DNAH10: variants seen among roughly 807,000 people sequenced by gnomAD.
DNAH10 encodes the protein axonemal beta dynein heavy chain 10.
A neutral mutation model predicts 506.6 loss-of-function variants in DNAH10; 348 were observed. The observed-to-expected ratio is 0.69, with a 90% confidence interval of 0.63 to 0.75. The LOEUF is 0.75. DNAH10 is among the 30% of genes least tolerant of loss of function. The pLI, the probability that DNAH10 is intolerant of heterozygous loss-of-function variation, is 0.00. For synonymous variants in DNAH10, 2,059 were observed against 2,198.6 expected (o/e 0.94, Z 1.78); for missense variants, 5,179 against 5,787.1 (o/e 0.89, Z 3.41).
chr12:123,934,597 C>T lies in DNAH10; in HGVS notation c.13478-24C>T, dbSNP rs779240954. 3.1e-6 allele frequency: 5 copies of T among 1,612,032 alleles called. No individual in the cohort carries two copies. The South Asian group carries it at 4.4e-5, about 14-fold the overall frequency. ...CAGGCTGTGCATGCTCCAGTTGTATCCAGTCTCTGCCTTGTGTCCCTAGGA... is the reference window on the plus strand; with the variant it reads ...CAGGCTGTGCATGCTCCAGTTGTATTCAGTCTCTGCCTTGTGTCCCTAGGA... On this transcript the variant is annotated intron_variant, in intron 77 of 78. Transcript: ENST00000673944.
intron 51 of DNAH10, among the ~76,000 whole-genome samples, chr12:123,882,545 C>T (rs1373368875): frequency 6.6e-6 from 1 of 152,128 alleles, no homozygotes; most frequent in African/African-American, 2.4e-5. Context: ...GTAATCCCAG[C>T]ACTTTGGGAG....
At position 123,875,388 on chromosome 12, in the gene DNAH10, T is replaced by G. The variant is rs918171150; in HGVS notation, c.8096T>G (p.Val2699Gly). ...MGKAGGGRNE[V>G]DPRFISLFSV... ...AAGGCTGGAGGAGGCCGCAATGAAG[T>G]TGACCCAAGATTTATTTCGCTATTC... The change falls in exon 47 of 79, where the codon GTT (valine) becomes GGT (glycine). Residue 2699 changes from valine to glycine, a missense_variant. Val to Gly is a moderately radical substitution (Grantham distance 109, BLOSUM62 -3). Transcript: ENST00000673944. 5.0e-6 allele frequency: 8 copies of G among 1,613,930 alleles called. No homozygotes were observed. The Admixed American group carries it at 6.7e-5, about 13-fold the overall frequency.
At chr12:123,901,454 G>A (rs1245470252) in intron 56 of DNAH10, among the ~76,000 whole-genome samples, 11 of 152,178 alleles carry the variant, frequency 7.2e-5, no homozygotes, top group Non-Finnish European at 1.3e-4. Context: ...GTCAAGGCCC[G>A]TGCACGGCTT....
rs189852796 is a variant in DNAH10 at position 123,919,417 on chromosome 12, G to T, written c.11506+468G>T. On this transcript the variant is annotated intron_variant, in intron 65 of 78. Coordinates refer to ENST00000673944, the MANE Select transcript of DNAH10 (RefSeq NM_001372106.1). This position sits in a 1 kb window ranked among gnomAD's most constrained non-coding sequence, Gnocchi z 4.9. ...AGTCTGGCGATTCATGTTACAAGAG[G>T]AATGTTTAAAGCACTGAATTTTAAG... 3.3e-5 allele frequency among the ~76,000 whole-genome samples: 5 copies of T among 152,258 alleles called. No individual in the cohort carries two copies. Among genetic ancestry groups the T allele is most frequent in the African/African-American group, 9.6e-5 (4 of 41,548 alleles).
intron 62 of DNAH10, among the ~76,000 whole-genome samples, chr12:123,915,877 C>T (rs1286712838): frequency 3.9e-5 from 6 of 152,174 alleles, no homozygotes; most frequent in Non-Finnish European, 5.9e-5. Flanking sequence ...TCTCTTGGGG[C>T]GATACCTAGG....
Position 123,877,777 on chromosome 12 carries a change from A to T in DNAH10, c.8241A>T (p.Thr2747=), listed in dbSNP as rs755784003. ...TTGTGGCTGTGAGTGGCAAGCTGAC[A>T]TTCTGCACGCTAGCACTTTACAAAA... The part of the protein sequence containing the change: ...ESIVAVSGKL[T]FCTLALYKNI... Residue 2747 remains threonine, a synonymous_variant, in exon 48 of 79, where the codon ACA becomes ACT. Transcript: ENST00000673944. The T allele has an allele frequency of 6.2e-7, 1 of 1,613,844 alleles. No individual in the cohort carries two copies. Among genetic ancestry groups the T allele is most frequent in the Non-Finnish European group, 8.5e-7 (1 of 1,179,844 alleles).
intron 11 of DNAH10, among the ~76,000 whole-genome samples, chr12:123,790,966 A>C (rs1226154286): frequency 3.9e-5 from 6 of 152,082 alleles, no homozygotes; most frequent in African/African-American, 1.4e-4. Flanking sequence ...TCTCTACAAA[A>C]AACTTTAAAA....
chr12:123,848,972 C>T (rs7960854), intron 34 of DNAH10, 90 bp downstream of exon 34: 824,793 of 1,491,544 alleles, frequency 0.55, 235,190 homozygotes, highest in Non-Finnish European at 0.59. Context: ...GTTTCTGGGC[C>T]GTTGACACTC....
At chr12:123,834,360 A>G (rs1960910462) in intron 27 of DNAH10, among the ~76,000 whole-genome samples, 1 of 152,070 alleles carries the variant, frequency 6.6e-6, no homozygotes, top group Non-Finnish European at 1.5e-5. Context: ...GGCATGTGCC[A>G]CTATGCCTGG....
In DNAH10 at chr12:123,853,774, G is replaced by A. The variant is rs1183340167; in HGVS notation, c.6438+422G>A. Among the ~76,000 whole-genome samples the A allele has an allele frequency of 6.6e-6, 1 of 152,098 alleles. No homozygotes were observed. Among genetic ancestry groups the A allele is most frequent in the African/African-American group, 2.4e-5 (1 of 41,402 alleles). On this transcript the variant is annotated intron_variant, in intron 36 of 78. Transcript: ENST00000673944. This position sits in a 1 kb window ranked among gnomAD's most constrained non-coding sequence, Gnocchi z 4.7. The stretch of plus-strand genomic sequence containing the variant: ...TTTAGTCAATGTTCTGTGGGCAACA[G>A]GCTTACCTGTTTCTCTAGTGACTGT...
intron 45 of DNAH10, 81 bp downstream of exon 45, chr12:123,871,683 G>A: frequency 6.8e-7 from 1 of 1,469,626 alleles, no homozygotes; most frequent in Non-Finnish European, 9.2e-7. Context: ...CACAAGCACT[G>A]TGATCTCACA....
chr12:123,840,938 G>A (rs1197918327), intron 29 of DNAH10, among the ~76,000 whole-genome samples: 1 of 152,170 alleles, frequency 6.6e-6, no homozygotes, highest in Non-Finnish European at 1.5e-5. Flanking sequence ...TGCGCAATTG[G>A]ATAGTGGGGA....
At chr12:123,792,923 A>G (rs1958136241) in intron 11 of DNAH10, among the ~76,000 whole-genome samples, 1 of 152,204 alleles carries the variant, frequency 6.6e-6, no homozygotes, top group Non-Finnish European at 1.5e-5. Flanking sequence ...TTCCTAAGTA[A>G]GGTTTCATGA....
chr12:123,839,667 T>TA (rs1470420297), intron 29 of DNAH10, among the ~76,000 whole-genome samples: 8 of 147,030 alleles, frequency 5.4e-5, no homozygotes, highest in Non-Finnish European at 9.0e-5. Context: ...TTTCTATTTT[T>TA]TTTTTTTTTT....
intron 3 of DNAH10, among the ~76,000 whole-genome samples, chr12:123,772,370 C>G (rs1051793838): frequency 6.6e-6 from 1 of 152,168 alleles, no homozygotes; most frequent in African/African-American, 2.4e-5. Flanking sequence ...AGTTGTCACC[C>G]TAAGAGCCGA....
chr12:123,879,383 AG>A (rs770031413), intron 49 of DNAH10, 26 bp downstream of exon 49: 1 of 1,548,090 alleles, frequency 6.5e-7, no homozygotes. Context: ...GCTTCTTCTC[AG>A]GAAATTCTTC....
chr12:123,849,674 A>G (rs894267672), intron 34 of DNAH10, among the ~76,000 whole-genome samples: 1 of 152,140 alleles, frequency 6.6e-6, no homozygotes, highest in Non-Finnish European at 1.5e-5. Context: ...ATGTGTCCCC[A>G]TCTGAGTGGA....
At chr12:123,788,339 T>G (rs1304326836) in intron 10 of DNAH10, among the ~76,000 whole-genome samples, 2 of 152,208 alleles carry the variant, frequency 1.3e-5, no homozygotes, top group African/African-American at 4.8e-5. Flanking sequence ...GAGGCCAGTC[T>G]GAGACCTCTC....
chr12:123,933,209 C>T lies in DNAH10; in HGVS notation c.13297-122C>T, dbSNP rs190797947. 73 of 946,584 alleles carry T rather than the reference C, an allele frequency of 7.7e-5. No homozygotes were observed. In the East Asian group the frequency reaches 8.9e-4, roughly 12 times the overall value. The allele number at this position is 946,584 out of a possible 1,614,324, so 58.6% of individuals were successfully genotyped here. A position where few individuals can be genotyped will look rare whatever the true frequency, so the allele number is the denominator to read the frequency against. ...TCAGACAGGCGGCCAGTTGTGCCAACGCCATCTTTTGCCACTTAGGTGAAA... is the reference window on the plus strand; with the variant it reads ...TCAGACAGGCGGCCAGTTGTGCCAATGCCATCTTTTGCCACTTAGGTGAAA... On this transcript the variant is annotated intron_variant, in intron 76 of 78. Coordinates refer to ENST00000673944, the MANE Select transcript of DNAH10 (RefSeq NM_001372106.1).
Sources: allele counts gnomAD v4.1 joint callset (sites outside exome capture counted in the v4.1 genomes callset), GRCh38; gene constraint gnomAD v4.1.1; non-coding constraint Gnocchi (gnomAD v3.1); transcripts MANE v1.5; gene names NCBI Gene and HGNC (gene_info 2026-07-23, HGNC 2026-07-21).